Variants in ZFAND3 observed in about 807,000 individuals in gnomAD.
ZFAND3 encodes the protein AN1-type zinc finger protein 3.
Under a neutral mutation model 29.6 loss-of-function variants are expected in ZFAND3, and 10 were observed. The observed-to-expected ratio is 0.34, with a 90% CI of 0.21 to 0.57. The LOEUF is 0.57. Ranked by LOEUF, ZFAND3 falls within the 20% of genes least tolerant of loss-of-function variation. ZFAND3 has a pLI of 0.86. For synonymous variants in ZFAND3, 128 were observed against 112.6 expected (o/e 1.14, Z -0.87); for missense variants, 230 against 304.5 (o/e 0.76, Z 1.82).
intron 3 of ZFAND3, among the ~76,000 whole-genome samples, chr6:38,077,308 C>G (rs1326183247): frequency 2.0e-5 from 3 of 152,082 alleles, no homozygotes; most frequent in African/African-American, 7.2e-5. Flanking sequence ...AAGTGAGATG[C>G]TGCAAAGGTA....
intron 2 of ZFAND3, among the ~76,000 whole-genome samples, chr6:37,977,967 T>A (rs1264541832): frequency 6.6e-6 from 1 of 151,376 alleles, no homozygotes; most frequent in African/African-American, 2.4e-5. Flanking sequence ...CTTCTCACTC[T>A]GTCTCCCAGG....
At chr6:37,824,400 T>C (rs886626188) in intron 1 of ZFAND3, among the ~76,000 whole-genome samples, 1 of 151,768 alleles carries the variant, frequency 6.6e-6, no homozygotes, top group African/African-American at 2.4e-5. Context: ...AGACCTAGAA[T>C]ATTACAGAAA....
intron 3 of ZFAND3, among the ~76,000 whole-genome samples, chr6:38,067,657 G>C (rs1263208717): frequency 2.0e-5 from 3 of 152,184 alleles, no homozygotes; most frequent in Non-Finnish European, 2.9e-5. Context: ...TTGTAGTTAA[G>C]TTTTTTGACC....
intron 3 of ZFAND3, among the ~76,000 whole-genome samples, chr6:38,075,520 A>G (rs914586935): frequency 6.6e-6 from 1 of 152,212 alleles, no homozygotes; most frequent in Admixed American, 6.5e-5. Context: ...TGATTGAGCA[A>G]AGGAAAGTGG....
intron 4 of ZFAND3, among the ~76,000 whole-genome samples, chr6:38,083,653 C>T (rs1183001732): frequency 1.3e-5 from 2 of 148,410 alleles, no homozygotes; most frequent in Non-Finnish European, 3.1e-5. Context: ...TCCTTCCAAT[C>T]TTGGCCCTCA....
chr6:37,834,884 C>CT (rs1554147159), intron 1 of ZFAND3, among the ~76,000 whole-genome samples: 2 of 147,998 alleles, frequency 1.4e-5, no homozygotes, highest in Non-Finnish European at 3.0e-5. Flanking sequence ...TACCAGTTTT[C>CT]AAAAATGATT....
chr6:37,997,384 T>C (rs1377014609), intron 2 of ZFAND3, among the ~76,000 whole-genome samples: 1 of 152,136 alleles, frequency 6.6e-6, no homozygotes, highest in African/African-American at 2.4e-5. Context: ...ATTGTAATGA[T>C]AGAAGAGGGT....
intron 4 of ZFAND3, among the ~76,000 whole-genome samples, chr6:38,083,781 T>A (rs1764709247): frequency 6.6e-6 from 1 of 152,124 alleles, no homozygotes; most frequent in African/African-American, 2.4e-5. Context: ...ACTCAGATGC[T>A]GAAACAAGCA....
chr6:37,950,463 T>C (rs565695628), intron 2 of ZFAND3, among the ~76,000 whole-genome samples: 2 of 151,670 alleles, frequency 1.3e-5, no homozygotes, highest in East Asian at 2.0e-4. Flanking sequence ...CTGCAACCTC[T>C]GCCCCCTAGG....
intron 1 of ZFAND3, among the ~76,000 whole-genome samples, chr6:37,846,170 T>G (rs1179608146): frequency 6.6e-6 from 1 of 152,244 alleles, no homozygotes; most frequent in African/African-American, 2.4e-5. Flanking sequence ...GTTTGAGGGT[T>G]GAGGCCATCT....
At chr6:37,844,760 A>T (rs1369243307) in intron 1 of ZFAND3, among the ~76,000 whole-genome samples, 2 of 151,492 alleles carry the variant, frequency 1.3e-5, no homozygotes, top group East Asian at 3.9e-4. Flanking sequence ...TACTCCTGTA[A>T]TCCCAGCACT....
At chr6:38,034,481 GA>G (rs1763620874) in intron 2 of ZFAND3, among the ~76,000 whole-genome samples, 2 of 152,098 alleles carry the variant, frequency 1.3e-5, no homozygotes, top group African/African-American at 4.8e-5. Flanking sequence ...GAGCATCTAA[GA>G]AAGAACTACT....
intron 1 of ZFAND3, among the ~76,000 whole-genome samples, chr6:37,866,294 T>G (rs1327674737): frequency 6.6e-6 from 1 of 152,176 alleles, no homozygotes; most frequent in Non-Finnish European, 1.5e-5. Context: ...TCTTTTTTGT[T>G]TCTTCCTGAA....
At chr6:37,937,808 G>T (rs754021556) in intron 2 of ZFAND3, among the ~76,000 whole-genome samples, 1 of 152,008 alleles carries the variant, frequency 6.6e-6, no homozygotes, top group Non-Finnish European at 1.5e-5. Flanking sequence ...GGGATTTCTC[G>T]TGTAACACAC....
rs541389791 is a variant in ZFAND3, at chr6:37,933,999, C to T, written c.112+4000C>T. Among the ~76,000 whole-genome samples, 15 of 147,804 alleles carry T rather than the reference C, an allele frequency of 1.0e-4. No homozygotes were observed. In the South Asian group the frequency reaches 1.5e-3, roughly 15 times the overall value. ...GCCTCCCGGGTTCAAGTGATTGTCCCGCCTCAGCCTCCCAAGTAGCTGGGA... is the reference window on the plus strand; with the variant it reads ...GCCTCCCGGGTTCAAGTGATTGTCCTGCCTCAGCCTCCCAAGTAGCTGGGA... On this transcript the variant is annotated intron_variant, in intron 2 of 5. Transcript: ENST00000287218.
Position 38,152,376 on chromosome 6 carries a change from AG to A in ZFAND3, c.675del (p.Cys226AlafsTer60). The A allele has an allele frequency of 6.3e-7, 1 of 1,591,128 alleles. No homozygotes were observed. Among genetic ancestry groups the A allele is most frequent in the Non-Finnish European group, 8.5e-7 (1 of 1,170,000 alleles). On this transcript the variant is annotated frameshift_variant, in exon 6 of 6. Transcript: ENST00000287218. LOFTEE classifies it high-confidence loss of function. ...GGGCGCTCCTGCCAGCGCATCGGGG[AG>A]GGGTGCTCCTGAAGGCCAGGCATGG... ...KVGRSCQRIG[E>X]GCS
In ZFAND3 at chr6:37,841,889, G is replaced by A. The variant is rs189909148; in HGVS notation, c.71+21873G>A. 3.6e-3 allele frequency among the ~76,000 whole-genome samples: 548 copies of A among 152,146 alleles called. 1 individual carries two copies. The highest frequency in any genetic ancestry group is 4.8e-3 in the Non-Finnish European group (327 of 68,004). On this transcript the variant is annotated intron_variant, in intron 1 of 5. Transcript: ENST00000287218. ...GCACATACCTGTATGTCTTAGTTTG[G>A]GCTACTATAACAAAATACTTGGGTA...
At chr6:37,912,854 G>C (rs894145453) in intron 1 of ZFAND3, among the ~76,000 whole-genome samples, 1 of 152,100 alleles carries the variant, frequency 6.6e-6, no homozygotes, top group African/African-American at 2.4e-5. Context: ...AATTACACAG[G>C]TATACCTTAC....
At chr6:37,993,161 TAAG>T (rs766928961) in intron 2 of ZFAND3, among the ~76,000 whole-genome samples, 2 of 152,160 alleles carry the variant, frequency 1.3e-5, no homozygotes, top group South Asian at 2.1e-4. Context: ...TTTTTATCGT[TAAG>T]AAGTGTCTTT....
Sources: allele counts gnomAD v4.1 joint callset (sites outside exome capture counted in the v4.1 genomes callset), GRCh38; gene constraint gnomAD v4.1.1; transcripts MANE v1.5; gene names NCBI Gene and HGNC (gene_info 2026-07-23, HGNC 2026-07-21).